Variants in CORIN observed in about 807,000 individuals in gnomAD.
CORIN encodes atrial natriuretic peptide-converting enzyme.
CORIN carries 117 observed loss-of-function variants against 125.3 expected under a neutral mutation model. That is an observed-to-expected ratio of 0.93 (90% CI 0.80 to 1.09). The LOEUF (loss-of-function observed/expected upper bound fraction) is 1.09. Among genes scored for constraint, CORIN ranks in the 50% least tolerant of loss-of-function variants. CORIN has a pLI of 0.00. For synonymous variants in CORIN, 450 were observed against 466.4 expected (o/e 0.96, Z 0.45); for missense variants, 1,253 against 1,306.7 (o/e 0.96, Z 0.63).
chr4:47,808,295 T>A (rs2109955083), intron 1 of CORIN, among the ~76,000 whole-genome samples: 1 of 152,208 alleles, frequency 6.6e-6, no homozygotes, highest in East Asian at 1.9e-4. Flanking sequence ...GAATGACCTT[T>A]GAGAAAGAGC....
At chr4:47,658,844 G>A (rs1724113027) in intron 12 of CORIN, among the ~76,000 whole-genome samples, 1 of 152,184 alleles carries the variant, frequency 6.6e-6, no homozygotes, top group Non-Finnish European at 1.5e-5. Flanking sequence ...ACATAGGTAG[G>A]CTGCAAATTT....
At chr4:47,820,523 T>C (rs1337923181) in intron 1 of CORIN, among the ~76,000 whole-genome samples, 1 of 151,860 alleles carries the variant, frequency 6.6e-6, no homozygotes, top group Non-Finnish European at 1.5e-5. Flanking sequence ...TTATGAGAAA[T>C]GAAAAATTTG....
At chr4:47,699,647 T>G (rs1726194905) in intron 5 of CORIN, among the ~76,000 whole-genome samples, 1 of 152,258 alleles carries the variant, frequency 6.6e-6, no homozygotes, top group Non-Finnish European at 1.5e-5. Flanking sequence ...GAGGTGTCTA[T>G]GGAGCATGAA....
chr4:47,615,727 C>T (rs941768359), intron 19 of CORIN, among the ~76,000 whole-genome samples: 2 of 152,158 alleles, frequency 1.3e-5, no homozygotes, highest in African/African-American at 2.4e-5. Context: ...AAGGAAGAAA[C>T]CCTGCCAGTA....
chr4:47,723,995 CAA>C (rs766930754), intron 5 of CORIN, among the ~76,000 whole-genome samples: 127 of 58,912 alleles, frequency 2.2e-3, no homozygotes, highest in African/African-American at 6.4e-3. Flanking sequence ...GACTCCATCT[CAA>C]AAAAAAAAAA....
At chr4:47,664,061 G>A (rs374853680) in intron 11 of CORIN, among the ~76,000 whole-genome samples, 4 of 152,058 alleles carry the variant, frequency 2.6e-5, no homozygotes, top group African/African-American at 9.7e-5. Context: ...AAAACTCTGC[G>A]TGACTTCTGA....
chr4:47,637,181 T>TAGAAGACAGA (rs1723059391), intron 16 of CORIN, among the ~76,000 whole-genome samples: 3 of 152,176 alleles, frequency 2.0e-5, no homozygotes, highest in Non-Finnish European at 4.4e-5. Context: ...TGATTTAGGA[T>TAGAAGACAGA]ATCTGGTAGA....
chr4:47,640,400 T>C (rs866137086), intron 16 of CORIN, among the ~76,000 whole-genome samples: 10 of 152,230 alleles, frequency 6.6e-5, no homozygotes, highest in Middle Eastern at 3.2e-3. Context: ...CCTCATGTTG[T>C]ATATTTCCAT....
At chr4:47,799,656 C>T (rs1232062141) in intron 2 of CORIN, among the ~76,000 whole-genome samples, 1 of 151,956 alleles carries the variant, frequency 6.6e-6, no homozygotes, top group Non-Finnish European at 1.5e-5. Flanking sequence ...TTTGAAGATG[C>T]GTGGGAAAAC....
chr4:47,694,473 G>A (rs1725898522), intron 5 of CORIN, among the ~76,000 whole-genome samples: 1 of 151,704 alleles, frequency 6.6e-6, no homozygotes, highest in Non-Finnish European at 1.5e-5. Context: ...GTGTGTGTGT[G>A]TTTGTGTATG....
intron 5 of CORIN, among the ~76,000 whole-genome samples, chr4:47,728,498 C>T (rs752231470): frequency 1.3e-5 from 2 of 152,066 alleles, no homozygotes; most frequent in Non-Finnish European, 2.9e-5. Context: ...ATGGGGCGTA[C>T]AAAGCTGAAT....
intron 1 of CORIN, among the ~76,000 whole-genome samples, chr4:47,831,099 T>C (rs1376558565): frequency 6.6e-6 from 1 of 152,216 alleles, no homozygotes; most frequent in Non-Finnish European, 1.5e-5. Context: ...CTTGAGCCTC[T>C]TACAGAGTTT....
At chr4:47,808,131 C>T (rs1731876146) in intron 1 of CORIN, among the ~76,000 whole-genome samples, 1 of 152,142 alleles carries the variant, frequency 6.6e-6, no homozygotes, top group Non-Finnish European at 1.5e-5. Flanking sequence ...TAGTTCTTCT[C>T]CTGACTTTCA....
chr4:47,623,117 T>TATATATAC (rs141525347), intron 19 of CORIN, among the ~76,000 whole-genome samples: 118 of 134,522 alleles, frequency 8.8e-4, no homozygotes, highest in African/African-American at 3.3e-3. Context: ...TATATATATA[T>TATATATAC]ACACACACAC....
chr4:47,818,223 GT>G (rs1732357822), intron 1 of CORIN, among the ~76,000 whole-genome samples: 1 of 152,182 alleles, frequency 6.6e-6, no homozygotes, highest in African/African-American at 2.4e-5. Flanking sequence ...GAAGACATAA[GT>G]TTCCTTAAGA....
At chr4:47,623,117 T>TATATACACAC (rs141525347) in intron 19 of CORIN, among the ~76,000 whole-genome samples, 188 of 134,428 alleles carry the variant, frequency 1.4e-3, no homozygotes, top group East Asian at 8.0e-3. Flanking sequence ...TATATATATA[T>TATATACACAC]ACACACACAC....
intron 11 of CORIN, among the ~76,000 whole-genome samples, chr4:47,662,825 A>G (rs1298935675): frequency 1.3e-5 from 2 of 152,186 alleles, no homozygotes; most frequent in African/African-American, 4.8e-5. Context: ...GTAACAATCA[A>G]ATGAGGAAAT....
chr4:47,703,246 G>C (rs1726392215), intron 5 of CORIN, among the ~76,000 whole-genome samples: 1 of 152,122 alleles, frequency 6.6e-6, no homozygotes, highest in Non-Finnish European at 1.5e-5. Flanking sequence ...CCATGCAGCA[G>C]CCGGTAGTGA....
rs552065025 is a variant in CORIN at position 47,725,655 on chromosome 4, GAA to G, written c.799+18745_799+18746del. 1.8e-4 allele frequency among the ~76,000 whole-genome samples: 27 copies of G among 152,150 alleles called. No individual in the cohort carries two copies. The South Asian group carries it at 5.6e-3, about 32-fold the overall frequency. On this transcript the variant is annotated intron_variant, in intron 5 of 21. Coordinates refer to ENST00000273857, the MANE Select transcript of CORIN (RefSeq NM_006587.4). ...ATGCAGGTCATATAAAATGAAAACT[GAA>G]AAAGTCTTGGGAGAAATTATGAAGG...
Sources: gnomAD v4.1 joint callset for allele counts (sites outside exome capture counted in the v4.1 genomes callset) on GRCh38, gnomAD v4.1.1 for gene constraint, MANE v1.5 for transcripts, NCBI Gene and HGNC (gene_info 2026-07-23, HGNC 2026-07-21) for gene names.